ADARB2: variants seen among roughly 807,000 people sequenced by gnomAD.
ADARB2 encodes the protein adenosine deaminase RNA specific B2 (inactive), also known as inactive double-stranded RNA-specific editase B2.
In ADARB2, 25 loss-of-function variants were observed where a neutral mutation model predicts 62.2. The observed-to-expected ratio is 0.40, with a 90% CI of 0.29 to 0.56. The LOEUF is 0.56. Ranked by LOEUF, ADARB2 falls within the 20% of genes least tolerant of loss-of-function variation. ADARB2 has a pLI of 0.43. For synonymous variants in ADARB2, 572 were observed against 500.8 expected (o/e 1.14, Z -1.90); for missense variants, 1,071 against 1,077.4 (o/e 0.99, Z 0.08).
intron 1 of ADARB2, among the ~76,000 whole-genome samples, chr10:1,616,927 A>G (rs1278980363): frequency 6.0e-5 from 9 of 148,994 alleles, no homozygotes; most frequent in Non-Finnish European, 1.2e-4. Context: ...GCCCGTCCAG[A>G]CACACTCCGC....
chr10:1,222,547 A>G (rs1318151520), intron 6 of ADARB2, among the ~76,000 whole-genome samples: 2 of 149,560 alleles, frequency 1.3e-5, no homozygotes, highest in Admixed American at 1.3e-4. Flanking sequence ...TTATGGTTTT[A>G]GGTCTAACAT....
chr10:1,210,867 G>A (rs1410412572), intron 7 of ADARB2, among the ~76,000 whole-genome samples: 1 of 152,038 alleles, frequency 6.6e-6, no homozygotes, highest in Admixed American at 6.5e-5. Flanking sequence ...TGGTGTAGAC[G>A]TCTCCTCGGG....
At position 1,189,726 on chromosome 10, in the gene ADARB2, G is replaced by A. The variant is rs1050897082; in HGVS notation, c.1865-4687C>T. On this transcript the variant is annotated intron_variant, in intron 8 of 9. Transcript: ENST00000381312. The stretch of plus-strand genomic sequence containing the variant: ...GTGACCCAGTCCACCCAGAACACAT[G>A]GCCCTACCTCCTTCCCCAGAACACG... Among the ~76,000 whole-genome samples the A allele has an allele frequency of 2.4e-4, 36 of 151,268 alleles. 1 individual carries two copies. Among genetic ancestry groups the A allele is most frequent in the Admixed American group, 2.1e-3 (32 of 15,234 alleles).
At chr10:1,637,836 C>T (rs1048864060) in intron 1 of ADARB2, among the ~76,000 whole-genome samples, 12 of 152,286 alleles carry the variant, frequency 7.9e-5, no homozygotes, top group East Asian at 7.7e-4. Context: ...TGCCTCCTAA[C>T]GCCACTTCTG....
rs184497402 is a variant in ADARB2, at chr10:1,290,907, A to C, written c.1078-19838T>G. The C allele has an allele frequency of 2.5e-4, 38 of 152,320 alleles. 1 individual carries two copies. The highest frequency in any genetic ancestry group is 8.7e-4 in the African/African-American group (36 of 41,564). The allele number at this position is 152,320 out of a possible 1,614,324, so 9.4% of individuals were successfully genotyped here. A position where few individuals can be genotyped will look rare whatever the true frequency, so the allele number is the denominator to read the frequency against. Reference sequence around the variant, plus strand: ...GAAACTGGTGCTTTCTGGTCTACTCAGGAAGATATTTTGAGCCCGGGTTTA... The same window carrying C: ...GAAACTGGTGCTTTCTGGTCTACTCCGGAAGATATTTTGAGCCCGGGTTTA... On this transcript the variant is annotated intron_variant, in intron 3 of 9. Coordinates refer to ENST00000381312, the MANE Select transcript of ADARB2 (RefSeq NM_018702.4).
intron 1 of ADARB2, among the ~76,000 whole-genome samples, chr10:1,530,221 C>T (rs948070807): frequency 3.3e-5 from 5 of 152,202 alleles, no homozygotes; most frequent in African/African-American, 9.6e-5. Context: ...CCGAGTTGCC[C>T]GACCGAAACG....
rs150670929 is a variant in ADARB2 at position 1,371,924 on chromosome 10, T to C, written c.187+7150A>G. Reference sequence around the variant, plus strand: ...CAGAGATTTCTTAAGGAACTAAGAATAGAACCACCATTTGACCCAGCAATT... The same window carrying C: ...CAGAGATTTCTTAAGGAACTAAGAACAGAACCACCATTTGACCCAGCAATT... On this transcript the variant is annotated intron_variant, in intron 2 of 9. Coordinates refer to ENST00000381312, the MANE Select transcript of ADARB2 (RefSeq NM_018702.4). Among the ~76,000 whole-genome samples the C allele has an allele frequency of 1.4e-3, 207 of 151,906 alleles. 1 individual carries two copies. The highest frequency in any genetic ancestry group is 4.5e-3 in the African/African-American group (185 of 41,408).
At chr10:1,319,028 GGAGCTCA>G (rs1831771378) in intron 3 of ADARB2, among the ~76,000 whole-genome samples, 1 of 152,212 alleles carries the variant, frequency 6.6e-6, no homozygotes, top group Non-Finnish European at 1.5e-5. Context: ...AAAGATTCAA[GGAGCTCA>G]GAGTAAGTGG....
chr10:1,392,816 C>T (rs921888813), intron 1 of ADARB2, among the ~76,000 whole-genome samples: 1 of 152,166 alleles, frequency 6.6e-6, no homozygotes, highest in Admixed American at 6.5e-5. Flanking sequence ...ACGGAGGTGG[C>T]CTGCGGTGTC....
intron 4 of ADARB2, among the ~76,000 whole-genome samples, chr10:1,264,528 T>C (rs1831175631): frequency 6.6e-6 from 1 of 152,200 alleles, no homozygotes; most frequent in South Asian, 2.1e-4. Flanking sequence ...CTTTATCTGG[T>C]ACAACACAAT....
intron 1 of ADARB2, among the ~76,000 whole-genome samples, chr10:1,445,065 C>T (rs961085749): frequency 4.7e-5 from 7 of 148,502 alleles, no homozygotes; most frequent in Non-Finnish European, 9.0e-5. Flanking sequence ...CTACATTAAT[C>T]CTTCCCTCCA....
At position 1,182,736 on chromosome 10, in the gene ADARB2, G is replaced by A; in HGVS notation, c.*457C>T. 6.4e-6 allele frequency: 1 copy of A among 157,142 alleles called. No homozygotes were observed. The highest frequency in any genetic ancestry group is 1.4e-5 in the Non-Finnish European group (1 of 71,354). The allele number at this position is 157,142 out of a possible 1,614,324, so 9.7% of individuals were successfully genotyped here. A position where few individuals can be genotyped will look rare whatever the true frequency, so the allele number is the denominator to read the frequency against. On this transcript the variant is annotated 3_prime_UTR_variant, in exon 10 of 10. Transcript: ENST00000381312. ...ATTGGTTTCTCTGGGGCTGGGGTGG[G>A]CATGGCTTTTCTCTTCATTTGTGGC...
intron 1 of ADARB2, among the ~76,000 whole-genome samples, chr10:1,444,148 A>G (rs1564290475): frequency 1.3e-5 from 2 of 151,432 alleles, no homozygotes; most frequent in Non-Finnish European, 2.9e-5. Context: ...CCACTCACTC[A>G]TTCATCCATC....
At chr10:1,282,019 G>A (rs541115698) in intron 3 of ADARB2, among the ~76,000 whole-genome samples, 37 of 152,302 alleles carry the variant, frequency 2.4e-4, no homozygotes, top group East Asian at 1.9e-4. Flanking sequence ...TTTAACCAGC[G>A]TGATTTCCCA....
At chr10:1,281,403 T>G (rs1831370005) in intron 3 of ADARB2, among the ~76,000 whole-genome samples, 1 of 152,188 alleles carries the variant, frequency 6.6e-6, no homozygotes. Context: ...GTGTTGGTGG[T>G]TTGTGGATTC....
intron 1 of ADARB2, among the ~76,000 whole-genome samples, chr10:1,465,901 T>C (rs1831249947): frequency 6.6e-6 from 1 of 152,270 alleles, no homozygotes. Context: ...ACTTTTGCTT[T>C]TGCATTTAGT....
At chr10:1,585,181 T>C (rs907817276) in intron 1 of ADARB2, among the ~76,000 whole-genome samples, 3 of 152,042 alleles carry the variant, frequency 2.0e-5, no homozygotes, top group African/African-American at 7.2e-5. Context: ...TGATGGGCAG[T>C]GCGGACAGTG....
chr10:1,416,547 G>T (rs535021301), intron 1 of ADARB2, among the ~76,000 whole-genome samples: 1 of 152,232 alleles, frequency 6.6e-6, no homozygotes, highest in Non-Finnish European at 1.5e-5. Flanking sequence ...TGGATGGGCC[G>T]TGGGGAGAGC....
chr10:1,227,501 C>T (rs1223699287), intron 6 of ADARB2, among the ~76,000 whole-genome samples: 4 of 152,330 alleles, frequency 2.6e-5, no homozygotes, highest in African/African-American at 9.6e-5. Context: ...GCGTCGCTCA[C>T]GCTGGGAGCT....
Sources: allele counts gnomAD v4.1 joint callset (sites outside exome capture counted in the v4.1 genomes callset), GRCh38; gene constraint gnomAD v4.1.1; transcripts MANE v1.5; gene names NCBI Gene and HGNC (gene_info 2026-07-23, HGNC 2026-07-21).